The following NCAPG2 variants were observed in gnomAD, a reference collection of about 807,000 sequenced individuals.
The protein encoded by NCAPG2 is condensin-2 complex subunit G2.
In NCAPG2, 53 loss-of-function variants were observed where a neutral mutation model predicts 141.1. That is an observed-to-expected ratio of 0.38 (90% confidence interval 0.30 to 0.47). The LOEUF is 0.47. Among genes scored for constraint, NCAPG2 ranks in the 20% least tolerant of loss-of-function variants. The pLI is 0.99. For synonymous variants in NCAPG2, 499 were observed against 490.7 expected, an observed-to-expected ratio of 1.02 and a Z score of -0.22; for missense variants, 1,087 against 1,389.0, an observed-to-expected ratio of 0.78 and a Z score of 3.46.
intron 2 of NCAPG2, among the ~76,000 whole-genome samples, chr7:158,699,781 T>G (rs935087698): frequency 2.0e-5 from 3 of 152,252 alleles, no homozygotes; most frequent in African/African-American, 7.2e-5. Flanking sequence ...TAAAGTGCCA[T>G]GCTTACTATA....
chr7:158,702,746 A>C (rs575122179), intron 1 of NCAPG2, among the ~76,000 whole-genome samples: 20 of 152,336 alleles, frequency 1.3e-4, no homozygotes, highest in Admixed American at 1.0e-3. Context: ...GGGGACAGAG[A>C]GTCATCTTAA....
chr7:158,648,685 C>T lies in NCAPG2; in HGVS notation c.3076-2122G>A. Among the ~76,000 whole-genome samples the T allele has an allele frequency of 6.0e-5, 2 of 33,256 alleles. 1 individual carries two copies. The allele number at this position is 33,256 out of a possible 152,430, so 21.8% of individuals were successfully genotyped here. The stretch of plus-strand genomic sequence containing the variant: ...AACCACGCCAAATGGACCACAACCA[C>T]GCCAAATGGACCACAACCACGCCAA... On this transcript the variant is annotated intron_variant, in intron 24 of 27. Transcript: ENST00000356309.
intron 11 of NCAPG2, 26 bp downstream of exon 11, chr7:158,679,934 G>C (rs764504382): frequency 6.2e-7 from 1 of 1,611,598 alleles, no homozygotes; most frequent in Non-Finnish European, 8.5e-7. Flanking sequence ...ATATCTGTAA[G>C]AAGCTTGACC....
At chr7:158,651,448 A>G (rs1831488113) in intron 23 of NCAPG2, among the ~76,000 whole-genome samples, 1 of 152,248 alleles carries the variant, frequency 6.6e-6, no homozygotes, top group Non-Finnish European at 1.5e-5. Flanking sequence ...TAGACTAGAA[A>G]AAGTATGGCC....
At position 158,643,005 on chromosome 7, in the gene NCAPG2, C is replaced by T. The variant is rs540058125; in HGVS notation, c.3380+1284G>A. Among the ~76,000 whole-genome samples, 5 of 152,178 alleles carry T rather than the reference C, an allele frequency of 3.3e-5. No homozygotes were observed. The South Asian group carries it at 1.0e-3, about 32-fold the overall frequency. On this transcript the variant is annotated intron_variant, in intron 27 of 27. Transcript: ENST00000356309. ...CAAGATGGACTCTTGCTCTGTTGCC[C>T]AGGCTAGAGTGCAGTGGCGCAATCT...
At chr7:158,703,329 GGAATC>G (rs1373885034) in intron 1 of NCAPG2, among the ~76,000 whole-genome samples, 14 of 152,124 alleles carry the variant, frequency 9.2e-5, no homozygotes, top group Admixed American at 6.5e-4. Flanking sequence ...GCAAACACAT[GGAATC>G]ATACATCTTC....
intron 12 of NCAPG2, among the ~76,000 whole-genome samples, chr7:158,672,292 G>GTGTATATATATATATA (rs1294151630): frequency 7.3e-5 from 2 of 27,224 alleles, no homozygotes; most frequent in African/African-American, 3.0e-4. Context: ...GTGTGTGTGT[G>GTGTATATATATATATA]TATATATATA....
intron 24 of NCAPG2, 43 bp from the exon 25 acceptor site, chr7:158,646,606 CTACT>C (rs1563500978): frequency 7.4e-7 from 1 of 1,348,762 alleles, no homozygotes; most frequent in Non-Finnish European, 1.0e-6. Flanking sequence ...AGAGACTAGG[CTACT>C]TACTTGTAAA....
At chr7:158,651,626 C>G (rs528835336) in intron 23 of NCAPG2, among the ~76,000 whole-genome samples, 1 of 152,252 alleles carries the variant, frequency 6.6e-6, no homozygotes, top group South Asian at 2.1e-4. Context: ...AACAACATCA[C>G]GTGGTACGAG....
rs1289209594 is a variant in NCAPG2, at chr7:158,633,357, G to C, written c.3381-1640C>G. Among the ~76,000 whole-genome samples, 1 of 152,110 alleles carries C rather than the reference G, an allele frequency of 6.6e-6. No homozygotes were observed. Among genetic ancestry groups the C allele is most frequent in the African/African-American group, 2.4e-5 (1 of 41,406 alleles). ...CACTTGAGCTCTAGACTGTCCTTTC[G>C]GGGTTACAGTTGACTCTTCTTCAAA... On this transcript the variant is annotated intron_variant, in intron 27 of 27. Coordinates refer to ENST00000356309, the MANE Select transcript of NCAPG2 (RefSeq NM_017760.7). The surrounding 1 kb of genome is among the most constrained non-coding windows in gnomAD (Gnocchi z 4.1).
At chr7:158,668,552 T>A in intron 13 of NCAPG2, 1 of 559,418 alleles carries the variant, frequency 1.8e-6, no homozygotes, top group Non-Finnish European at 2.3e-6. Flanking sequence ...TCCGGCAGTG[T>A]GGCCTGGATA....
chr7:158,659,202 G>A (rs1175745393), intron 16 of NCAPG2, among the ~76,000 whole-genome samples: 3 of 151,342 alleles, frequency 2.0e-5, no homozygotes, highest in Non-Finnish European at 4.4e-5. Flanking sequence ...GGTGGCTCAC[G>A]CCTGTAATCC....
chr7:158,694,855 T>C (rs1835348679), intron 2 of NCAPG2, among the ~76,000 whole-genome samples: 1 of 152,090 alleles, frequency 6.6e-6, no homozygotes, highest in South Asian at 2.1e-4. Flanking sequence ...TCTACTCTCT[T>C]TCCTCGTTTC....
chr7:158,668,407 T>G, intron 13 of NCAPG2: 1 of 982,194 alleles, frequency 1.0e-6, no homozygotes, highest in African/African-American at 1.8e-5. Context: ...TATTACTGTT[T>G]TCTGTTTTGT....
At chr7:158,679,652 C>T (rs1458457256) in intron 11 of NCAPG2, among the ~76,000 whole-genome samples, 1 of 152,130 alleles carries the variant, frequency 6.6e-6, no homozygotes, top group African/African-American at 2.4e-5. Context: ...ATGTGCTTTA[C>T]CCACCATATG....
chr7:158,688,515 A>G (rs1354603377), intron 6 of NCAPG2, among the ~76,000 whole-genome samples: 2 of 152,248 alleles, frequency 1.3e-5, no homozygotes, highest in Non-Finnish European at 2.9e-5. Flanking sequence ...TCCTGGAGAC[A>G]TGTGTGGGGC....
chr7:158,676,538 T>TA (rs201693417), intron 11 of NCAPG2, among the ~76,000 whole-genome samples: 2,972 of 150,984 alleles, frequency 0.02, 101 homozygotes, highest in East Asian at 0.11. Context: ...ATGGCATGAT[T>TA]AAAAAAAAAA....
chr7:158,680,696 C>T (rs375738781), intron 10 of NCAPG2, 25 bp downstream of exon 10: 144 of 1,424,122 alleles, frequency 1.0e-4, no homozygotes, highest in Non-Finnish European at 1.3e-4. Context: ...ATTCCAAACA[C>T]GGATAAACTA....
intron 27 of NCAPG2, among the ~76,000 whole-genome samples, chr7:158,632,573 A>G (rs1448513893): frequency 1.3e-5 from 2 of 152,230 alleles, no homozygotes; most frequent in Non-Finnish European, 2.9e-5. Context: ...AGCGAGATTT[A>G]AAACTCTTAC....
Sources: allele counts gnomAD v4.1 joint callset (sites outside exome capture counted in the v4.1 genomes callset), GRCh38; gene constraint gnomAD v4.1.1; non-coding constraint Gnocchi (gnomAD v3.1); transcripts MANE v1.5; gene names NCBI Gene and HGNC (gene_info 2026-07-23, HGNC 2026-07-21).